Variants in FHIT observed in about 807,000 individuals in gnomAD.
FHIT encodes bis(5'-adenosyl)-triphosphatase.
A neutral mutation model predicts 17.9 loss-of-function variants in FHIT; 19 were observed. The observed-to-expected ratio is 1.06, with a 90% CI of 0.74 to 1.56. The LOEUF (loss-of-function observed/expected upper bound fraction) is 1.56, where lower values mean the gene tolerates loss of function less well. Ranked by LOEUF, FHIT falls within the 40% of genes most tolerant of loss-of-function variation. The pLI is 0.00. For missense variants in FHIT, 248 were observed against 189.2 expected (o/e 1.31, Z -1.82); for synonymous variants, 81 against 69.7 (o/e 1.16, Z -0.81).
chr3:61,069,082 T>A (rs2034711732), intron 2 of FHIT, among the ~76,000 whole-genome samples: 1 of 151,928 alleles, frequency 6.6e-6, no homozygotes, highest in African/African-American at 2.4e-5. Context: ...ATTCAACAGG[T>A]TTTTCTTTTT....
At chr3:60,777,483 G>A (rs1392142103) in intron 4 of FHIT, among the ~76,000 whole-genome samples, 1 of 152,192 alleles carries the variant, frequency 6.6e-6, no homozygotes, top group African/African-American at 2.4e-5. Flanking sequence ...ATTTTATTGT[G>A]CAGAGGAAGC....
intron 2 of FHIT, among the ~76,000 whole-genome samples, chr3:61,100,354 T>C (rs1387918489): frequency 6.6e-6 from 1 of 152,192 alleles, no homozygotes; most frequent in Non-Finnish European, 1.5e-5. Context: ...AATGACGGTT[T>C]CCAGCTTCAT....
chr3:60,124,378 C>T (rs1258786998), intron 5 of FHIT, among the ~76,000 whole-genome samples: 2 of 151,944 alleles, frequency 1.3e-5, no homozygotes, highest in Admixed American at 6.6e-5. Context: ...AATAAAATGT[C>T]TATCTTTCAA....
chr3:61,202,059 C>T (rs1490326022), intron 1 of FHIT, among the ~76,000 whole-genome samples: 1 of 140,494 alleles, frequency 7.1e-6, no homozygotes, highest in Non-Finnish European at 1.5e-5. Flanking sequence ...TATATACACG[C>T]ACATAGATAC....
At chr3:59,755,748 G>A (rs530326103) in intron 8 of FHIT, among the ~76,000 whole-genome samples, 1 of 152,298 alleles carries the variant, frequency 6.6e-6, no homozygotes, top group Admixed American at 6.5e-5. Context: ...TTAGTGAGAT[G>A]GGATTACAAA....
At chr3:61,075,754 TTAAA>T (rs1482968009) in intron 2 of FHIT, among the ~76,000 whole-genome samples, 31 of 152,140 alleles carry the variant, frequency 2.0e-4, no homozygotes, top group Admixed American at 2.0e-3. Context: ...CATTTATCCA[TTAAA>T]TAAGTATTCG....
intron 5 of FHIT, among the ~76,000 whole-genome samples, chr3:60,247,415 G>GAT (rs1705457192): frequency 6.7e-6 from 1 of 149,080 alleles, no homozygotes; most frequent in Non-Finnish European, 1.5e-5. Context: ...GAAAGAAGAA[G>GAT]GAAGAAGATG....
intron 3 of FHIT, among the ~76,000 whole-genome samples, chr3:60,856,947 C>G (rs1553750161): frequency 6.6e-6 from 1 of 152,144 alleles, no homozygotes; most frequent in Non-Finnish European, 1.5e-5. Flanking sequence ...ACAACCATGC[C>G]CCACTCCAAA....
chr3:60,294,278 G>A (rs1255204267), intron 5 of FHIT, among the ~76,000 whole-genome samples: 1 of 152,100 alleles, frequency 6.6e-6, no homozygotes, highest in African/African-American at 2.4e-5. Flanking sequence ...GCATGTCCAA[G>A]CGTACTTCTG....
chr3:60,398,155 T>C (rs945747785), intron 5 of FHIT, among the ~76,000 whole-genome samples: 2 of 152,164 alleles, frequency 1.3e-5, no homozygotes, highest in Admixed American at 6.6e-5. Context: ...CAAAAAACCC[T>C]GCATCACTAT....
chr3:61,124,314 G>A (rs1207875179), intron 2 of FHIT, among the ~76,000 whole-genome samples: 1 of 152,098 alleles, frequency 6.6e-6, no homozygotes, highest in Non-Finnish European at 1.5e-5. Flanking sequence ...CACCAACCAG[G>A]CAGAGAGGCT....
chr3:61,063,314 C>A (rs1482586378), intron 2 of FHIT, among the ~76,000 whole-genome samples: 1 of 151,122 alleles, frequency 6.6e-6, no homozygotes, highest in South Asian at 2.1e-4. Context: ...TCAACCACAT[C>A]GGGTAGGTTC....
chr3:60,963,680 G>A (rs1285970346), intron 3 of FHIT, among the ~76,000 whole-genome samples: 5 of 149,106 alleles, frequency 3.4e-5, no homozygotes, highest in African/African-American at 4.9e-5. Flanking sequence ...CCTTCATTTG[G>A]TTATGTGCCC....
At chr3:60,132,913 C>T (rs1699654368) in intron 5 of FHIT, among the ~76,000 whole-genome samples, 1 of 152,176 alleles carries the variant, frequency 6.6e-6, no homozygotes, top group Admixed American at 6.5e-5. Context: ...GAACATCACA[C>T]TTAAATTCGC....
At position 59,893,423 on chromosome 3, in the gene FHIT, A is replaced by C. The variant is rs140322127; in HGVS notation, c.348+28923T>G. Among the ~76,000 whole-genome samples the C allele has an allele frequency of 7.8e-3, 1,182 of 152,362 alleles. 11 individuals carry two copies. Among genetic ancestry groups the C allele is most frequent in the Middle Eastern group, 0.034 (10 of 294 alleles). The stretch of plus-strand genomic sequence containing the variant: ...GAATATAACATGAACTGATTGGTGC[A>C]GTAAACTAAACTGGATTTATATGCT... On this transcript the variant is annotated intron_variant, in intron 8 of 9. Coordinates refer to ENST00000492590, the MANE Select transcript of FHIT (RefSeq NM_002012.4).
intron 4 of FHIT, among the ~76,000 whole-genome samples, chr3:60,574,884 C>A (rs2037513456): frequency 6.6e-6 from 1 of 151,770 alleles, no homozygotes. Flanking sequence ...CCCCACCCCC[C>A]ATGTTTTATC....
intron 5 of FHIT, among the ~76,000 whole-genome samples, chr3:60,400,372 C>T (rs1701615218): frequency 6.6e-6 from 1 of 152,142 alleles, no homozygotes; most frequent in Non-Finnish European, 1.5e-5. Flanking sequence ...CCAAGAGGAG[C>T]TCCATATAAG....
At chr3:61,058,195 AG>A (rs1469426060) in intron 2 of FHIT, among the ~76,000 whole-genome samples, 1 of 152,188 alleles carries the variant, frequency 6.6e-6, no homozygotes, top group African/African-American at 2.4e-5. Flanking sequence ...ATGATGCTAT[AG>A]GTCTATGATT....
intron 5 of FHIT, among the ~76,000 whole-genome samples, chr3:60,110,636 G>C (rs971652307): frequency 7.9e-5 from 12 of 152,098 alleles, no homozygotes; most frequent in Admixed American, 3.3e-4. Context: ...CTGTAAAACA[G>C]ACATACTAAC....
Sources: gnomAD v4.1 joint callset for allele counts (sites outside exome capture counted in the v4.1 genomes callset) on GRCh38, gnomAD v4.1.1 for gene constraint, MANE v1.5 for transcripts, NCBI Gene and HGNC (gene_info 2026-07-23, HGNC 2026-07-21) for gene names.